The following DMXL2 variants were observed in gnomAD, a reference collection of about 807,000 sequenced individuals.
DMXL2 encodes dmX-like protein 2.
Under a neutral mutation model 331.1 loss-of-function variants are expected in DMXL2, and 103 were observed. The ratio of observed to expected loss-of-function variants is 0.31; its 90% CI spans 0.27 to 0.37. The LOEUF is 0.37. Ranked by LOEUF, DMXL2 falls within the 10% of genes least tolerant of loss-of-function variation. The probability of loss-of-function intolerance (pLI) is 1.00; values close to 1 mark genes in which losing one functional copy is unlikely to be tolerated. For missense variants in DMXL2, 3,171 were observed against 3,642.9 expected, an observed-to-expected ratio of 0.87 and a Z score of 3.33; for synonymous variants, 1,281 against 1,252.1, an observed-to-expected ratio of 1.02 and a Z score of -0.49.
chr15:51,506,100 T>A (rs995998179), intron 16 of DMXL2, among the ~76,000 whole-genome samples: 2 of 152,206 alleles, frequency 1.3e-5, no homozygotes, highest in Admixed American at 6.5e-5. Context: ...TTGACAAGGG[T>A]CTCACTTTGT....
At chr15:51,580,725 G>C (rs1191935996) in intron 1 of DMXL2, among the ~76,000 whole-genome samples, 1 of 151,640 alleles carries the variant, frequency 6.6e-6, no homozygotes, top group East Asian at 1.9e-4. Flanking sequence ...CTGTTTCTCT[G>C]ATGATAAAGA....
intron 13 of DMXL2, among the ~76,000 whole-genome samples, chr15:51,519,636 G>GTTTTTTTTT (rs61062444): frequency 3.8e-4 from 32 of 84,902 alleles, no homozygotes; most frequent in African/African-American, 5.2e-4. Flanking sequence ...AAAGTCTCTT[G>GTTTTTTTTT]TTTTTTTTTT....
At chr15:51,581,352 A>G (rs1346867948) in intron 1 of DMXL2, among the ~76,000 whole-genome samples, 1 of 152,196 alleles carries the variant, frequency 6.6e-6, no homozygotes, top group Non-Finnish European at 1.5e-5. Context: ...TGTCTTCCAC[A>G]AAACCGGTCC....
Position 51,495,136 on chromosome 15 carries a change from T to C in DMXL2, c.4673-2A>G. ...CACACTCATCTAATGTATCTCTTCCTGTAATTTAAACAGGAAATATGTTTA... is the reference window on the plus strand; with the variant it reads ...CACACTCATCTAATGTATCTCTTCCCGTAATTTAAACAGGAAATATGTTTA... On this transcript the variant is annotated splice_acceptor_variant, in intron 18 of 43. Transcript: ENST00000560891. LOFTEE classifies it high-confidence loss of function. 1 of 1,599,318 alleles carries C rather than the reference T, an allele frequency of 6.3e-7. No individual in the cohort carries two copies. The highest frequency in any genetic ancestry group is 8.6e-7 in the Non-Finnish European group (1 of 1,167,790).
intron 6 of DMXL2, among the ~76,000 whole-genome samples, chr15:51,558,395 T>A (rs573365412): frequency 3.3e-5 from 5 of 152,106 alleles, no homozygotes; most frequent in Non-Finnish European, 7.4e-5. Context: ...TGAACCTTAA[T>A]GGGGAAAAAC....
At chr15:51,468,145 A>G (rs2040768237) in intron 29 of DMXL2, among the ~76,000 whole-genome samples, 2 of 152,212 alleles carry the variant, frequency 1.3e-5, no homozygotes, top group South Asian at 4.1e-4. Context: ...TGGTCACTAT[A>G]ATTGATGCTT....
intron 20 of DMXL2, 43 bp downstream of exon 20, chr15:51,491,535 A>C (rs1267186564): frequency 1.9e-6 from 3 of 1,544,284 alleles, no homozygotes; most frequent in African/African-American, 2.8e-5. Flanking sequence ...CGTTAGGAAA[A>C]GGTTTTTTTA....
Position 51,538,424 on chromosome 15 carries a change from T to C in DMXL2, c.1134A>G (p.Ala378=), listed in dbSNP as rs771355638. 5 of 1,611,866 alleles carry C rather than the reference T, an allele frequency of 3.1e-6. No homozygotes were observed. Among genetic ancestry groups the C allele is most frequent in the Non-Finnish European group, 4.2e-6 (5 of 1,178,314 alleles). Residue 378 remains alanine (A), a synonymous_variant, in exon 10 of 44, where the codon GCA becomes GCG. Coordinates refer to ENST00000560891, the MANE Select transcript of DMXL2 (RefSeq NM_001378457.1). ...CCCCATTTCCATCATCAACATTAAA[T>C]GCAGTGCCAACCAAGACATTTGGAA... The part of the protein sequence containing the change: ...TDIPNVLVGT[A]FNVDDGNGGF...
intron 41 of DMXL2, among the ~76,000 whole-genome samples, chr15:51,452,583 C>A (rs115919808): frequency 0.01 from 1,544 of 152,122 alleles, 20 homozygotes; most frequent in African/African-American, 0.035. Flanking sequence ...AATTAAAAAA[C>A]CAAAAAACAA....
chr15:51,596,366 A>G (rs902888703), intron 1 of DMXL2, among the ~76,000 whole-genome samples: 1 of 152,226 alleles, frequency 6.6e-6, no homozygotes, highest in Non-Finnish European at 1.5e-5. Context: ...CAAAACCACA[A>G]TGAGATACCA....
At chr15:51,513,018 C>T (rs1386067490) in intron 15 of DMXL2, among the ~76,000 whole-genome samples, 1 of 151,880 alleles carries the variant, frequency 6.6e-6, no homozygotes. Context: ...AAAGCAGAGG[C>T]AGAGAAGAGG....
chr15:51,591,598 C>G (rs927804691), intron 1 of DMXL2, among the ~76,000 whole-genome samples: 2 of 152,204 alleles, frequency 1.3e-5, no homozygotes, highest in Admixed American at 6.5e-5. Flanking sequence ...TCCCAGCACT[C>G]AGCTGGACAT....
At position 51,619,655 on chromosome 15, in the gene DMXL2, G is replaced by A. The variant is rs550666604; in HGVS notation, c.87+2804C>T. On this transcript the variant is annotated intron_variant, in intron 1 of 43. Transcript: ENST00000560891. The stretch of plus-strand genomic sequence containing the variant: ...CTCAAAATCCTTTTAGAACAATTCT[G>A]TTCTTCAAAGATGTATCAATTTTAG... Among the ~76,000 whole-genome samples, 257 of 152,206 alleles carry A rather than the reference G, an allele frequency of 1.7e-3. 2 individuals are homozygous for A. The highest frequency in any genetic ancestry group is 5.6e-3 in the African/African-American group (234 of 41,516).
At chr15:51,611,744 G>A (rs559404049) in intron 1 of DMXL2, among the ~76,000 whole-genome samples, 3 of 152,100 alleles carry the variant, frequency 2.0e-5, no homozygotes, top group Non-Finnish European at 2.9e-5. Context: ...TTCCTGGGTC[G>A]AATGGGGACT....
chr15:51,466,236 C>T lies in DMXL2; in HGVS notation c.7468G>A (p.Ala2490Thr). 2 of 1,579,274 alleles carry T rather than the reference C, an allele frequency of 1.3e-6. No individual in the cohort carries two copies. Among genetic ancestry groups the T allele is most frequent in the Admixed American group, 1.9e-5 (1 of 53,558 alleles). Residue 2490 changes from alanine to threonine, a missense_variant, in exon 30 of 44, where the codon GCC becomes ACC. This residue lies in a region of DMXL2 where 766 missense variants were observed against 940.5 expected (regional missense o/e 0.81). Coordinates refer to ENST00000560891, the MANE Select transcript of DMXL2 (RefSeq NM_001378457.1). The part of the protein sequence containing the change: ...ESIHSDEEDD[A>T]FFSDTQIQEH... ...TGTATTTGTGTATCTGAAAAAAAGG[C>T]ATCATCTTCTTCATCACTATGAATG...
intron 3 of DMXL2, 112 bp from the exon 4 acceptor site, chr15:51,565,278 G>A: frequency 1.7e-6 from 1 of 578,566 alleles, no homozygotes; most frequent in Non-Finnish European, 2.8e-6. Context: ...TTAAGATCTG[G>A]AACAAAGATG....
At chr15:51,606,781 C>T (rs1034535449) in intron 1 of DMXL2, among the ~76,000 whole-genome samples, 3 of 152,150 alleles carry the variant, frequency 2.0e-5, no homozygotes, top group African/African-American at 7.2e-5. Context: ...ATGGCTTTAA[C>T]AGCAAATTAG....
intron 1 of DMXL2, among the ~76,000 whole-genome samples, chr15:51,582,346 G>A (rs2051487138): frequency 1.3e-5 from 2 of 151,958 alleles, no homozygotes; most frequent in African/African-American, 2.4e-5. Context: ...TTTTTCTATC[G>A]TTTCGTTTTC....
chr15:51,458,379 A>T, intron 36 of DMXL2, 127 bp downstream of exon 36: 2 of 998,584 alleles, frequency 2.0e-6, no homozygotes, highest in Non-Finnish European at 2.9e-6. Context: ...TAAACCAATT[A>T]TATTTGTCAC....
Sources: allele counts gnomAD v4.1 joint callset (sites outside exome capture counted in the v4.1 genomes callset), GRCh38; gene constraint gnomAD v4.1.1; regional missense constraint gnomAD v4.1.1; transcripts MANE v1.5; gene names NCBI Gene and HGNC (gene_info 2026-07-23, HGNC 2026-07-21).